The following FOXJ2 variants were observed in gnomAD, a reference collection of about 807,000 sequenced individuals.
FOXJ2 encodes the protein forkhead box protein J2.
FOXJ2 carries 18 observed loss-of-function variants against 68.4 expected under a neutral mutation model. The ratio of observed to expected loss-of-function variants is 0.26; its 90% CI spans 0.18 to 0.39. The LOEUF (loss-of-function observed/expected upper bound fraction) is 0.39, where lower values mean the gene tolerates loss of function less well. Among genes scored for constraint, FOXJ2 ranks in the 10% least tolerant of loss-of-function variants. The pLI, the probability that FOXJ2 is intolerant of heterozygous loss-of-function variation, is 1.00. For synonymous variants in FOXJ2, 274 were observed against 263.2 expected, an observed-to-expected ratio of 1.04 and a Z score of -0.40; for missense variants, 670 against 726.5, an observed-to-expected ratio of 0.92 and a Z score of 0.89.
At chr12:8,049,061 G>A (rs1225045625) in intron 8 of FOXJ2, among the ~76,000 whole-genome samples, 1 of 152,176 alleles carries the variant, frequency 6.6e-6, no homozygotes, top group Non-Finnish European at 1.5e-5. Context: ...TTTAGAGACC[G>A]TGGACCACGA....
Position 8,032,932 on chromosome 12 carries a change from T to C in FOXJ2, c.-916T>C. 1 of 397,468 alleles carries C rather than the reference T, an allele frequency of 2.5e-6. No individual in the cohort carries two copies. The allele number at this position is 397,468 out of a possible 1,614,324, so 24.6% of individuals were successfully genotyped here. On this transcript the variant is annotated 5_prime_UTR_variant, in exon 1 of 11. Coordinates refer to ENST00000162391, the MANE Select transcript of FOXJ2 (RefSeq NM_018416.3). The surrounding 1 kb of genome is among the most constrained non-coding windows in gnomAD (Gnocchi z 4.8). ...TCTCGAGCCGCGGCCTCCCGGACCG[T>C]GCTGCCCAGGCCAGCTCAGGGACAG...
In FOXJ2 at chr12:8,044,871, T is replaced by C; in HGVS notation, c.730T>C (p.Ser244Pro). The C allele has an allele frequency of 6.2e-7, 1 of 1,614,096 alleles. No homozygotes were observed. The highest frequency in any genetic ancestry group is 8.5e-7 in the Non-Finnish European group (1 of 1,179,968). Residue 244 changes from serine (S) to proline (P), a missense_variant, in exon 6 of 11, where the codon TCA (serine) becomes CCA (proline). By Grantham distance (74) the Ser-to-Pro change is moderately conservative. This residue lies in a region of FOXJ2 where 555 missense variants were observed against 562.2 expected (regional missense o/e 0.99). Transcript: ENST00000162391. ...CAACCATGACTTTAAATTCTCCTAC[T>C]CAGAGATCAACTTTCAGGATCTAAG... ...NTNHDFKFSY[S>P]EINFQDLSWS...
intron 1 of FOXJ2, among the ~76,000 whole-genome samples, chr12:8,036,287 G>T (rs1381718395): frequency 6.6e-6 from 1 of 152,202 alleles, no homozygotes; most frequent in Non-Finnish European, 1.5e-5. Flanking sequence ...ACAATTAGTG[G>T]CCTTTCAGAT....
chr12:8,052,780 G>C lies in FOXJ2; in HGVS notation c.1655G>C (p.Arg552Pro). The C allele has an allele frequency of 6.2e-7, 1 of 1,609,984 alleles. No individual in the cohort carries two copies. Among genetic ancestry groups the C allele is most frequent in the Non-Finnish European group, 8.5e-7 (1 of 1,177,926 alleles). ...CTAACAGCACACCATATGGTCCCTCGGCCATCAGTGCCACCTCCTGGTGCC... is the reference window on the plus strand; with the variant it reads ...CTAACAGCACACCATATGGTCCCTCCGCCATCAGTGCCACCTCCTGGTGCC... ...YNRPAHHMVP[R>P]PSVPPPGANE... The change falls in exon 11 of 11, where the codon CGG becomes CCG. Residue 552 changes from arginine to proline, a missense_variant. This residue lies in a region of FOXJ2 where 555 missense variants were observed against 562.2 expected (regional missense o/e 0.99). Coordinates refer to ENST00000162391, the MANE Select transcript of FOXJ2 (RefSeq NM_018416.3).
intron 6 of FOXJ2, among the ~76,000 whole-genome samples, chr12:8,047,456 C>CA (rs1345773734): frequency 6.6e-6 from 1 of 150,864 alleles, no homozygotes; most frequent in Non-Finnish European, 1.5e-5. Context: ...TCTCAAAAAA[C>CA]AAAAAACGGA....
chr12:8,051,547 C>T (rs1947126741), intron 10 of FOXJ2, among the ~76,000 whole-genome samples: 1 of 152,162 alleles, frequency 6.6e-6, no homozygotes, highest in Non-Finnish European at 1.5e-5. Context: ...GGAAGATGTG[C>T]TCAGGCAAAT....
In FOXJ2 at chr12:8,038,629, A is replaced by G. The variant is rs1946926185; in HGVS notation, c.-14-1190A>G. Among the ~76,000 whole-genome samples, 1 of 152,146 alleles carries G rather than the reference A, an allele frequency of 6.6e-6. No homozygotes were observed. The highest frequency in any genetic ancestry group is 2.4e-5 in the African/African-American group (1 of 41,424). The stretch of plus-strand genomic sequence containing the variant: ...TGGCATCAGCTCTAGGGGAGTGCCA[A>G]ATGGCTACCTAGGGGTTCCTGCCAG... On this transcript the variant is annotated intron_variant, in intron 1 of 10. Transcript: ENST00000162391. This position sits in a 1 kb window ranked among gnomAD's most constrained non-coding sequence, Gnocchi z 5.3.
At position 8,049,352 on chromosome 12, in the gene FOXJ2, C is replaced by G; in HGVS notation, c.1328-10C>G. 2 of 1,599,202 alleles carry G rather than the reference C, an allele frequency of 1.3e-6. No individual in the cohort carries two copies. The highest frequency in any genetic ancestry group is 1.7e-6 in the Non-Finnish European group (2 of 1,169,102). On this transcript the variant is annotated splice_polypyrimidine_tract_variant and intron_variant, in intron 8 of 10. Transcript: ENST00000162391. Reference sequence around the variant, plus strand: ...TGCAAGGTTTGCATTGCTTGCTTCCCTCTTTGTAGAACTGATGGAGAGTCT... The same window carrying G: ...TGCAAGGTTTGCATTGCTTGCTTCCGTCTTTGTAGAACTGATGGAGAGTCT...
At position 8,048,059 on chromosome 12, in the gene FOXJ2, G is replaced by T. The variant is rs1056629345; in HGVS notation, c.995G>T (p.Gly332Val). Reference sequence around the variant, plus strand: ...GCCCAGGGCCCCTCAGCTGTAGGGGGTGCTCCTCCACTGCACACCCCAAGC... The same window carrying T: ...GCCCAGGGCCCCTCAGCTGTAGGGGTTGCTCCTCCACTGCACACCCCAAGC... Reference protein sequence around the residue: ...APAQGPSAVGGAPPLHTPSTD... With the variant: ...APAQGPSAVGVAPPLHTPSTD... The change falls in exon 7 of 11, where the codon GGT becomes GTT. Residue 332 changes from glycine to valine, a missense_variant. Gly to Val is a moderately radical substitution (Grantham distance 109, BLOSUM62 -3). This residue lies in a region of FOXJ2 where 555 missense variants were observed against 562.2 expected (regional missense o/e 0.99). Coordinates refer to ENST00000162391, the MANE Select transcript of FOXJ2 (RefSeq NM_018416.3). The T allele has an allele frequency of 8.1e-6, 13 of 1,612,724 alleles. No homozygotes were observed. The highest frequency in any genetic ancestry group is 1.7e-5 in the Admixed American group (1 of 59,926).
At chr12:8,042,220 T>C (rs1424342676) in intron 2 of FOXJ2, among the ~76,000 whole-genome samples, 1 of 152,204 alleles carries the variant, frequency 6.6e-6, no homozygotes, top group Non-Finnish European at 1.5e-5. Flanking sequence ...AATGTGAACA[T>C]TCTATGGGCT....
Position 8,044,030 on chromosome 12 carries a change from C to T in FOXJ2, c.557C>T (p.Pro186Leu). 6.3e-7 allele frequency: 1 copy of T among 1,587,212 alleles called. No individual in the cohort carries two copies. The highest frequency in any genetic ancestry group is 8.6e-7 in the Non-Finnish European group (1 of 1,168,524). The change falls in exon 5 of 11, where the codon CCT (proline) becomes CTT (leucine). Residue 186 changes from proline (P) to leucine (L), a missense_variant. By Grantham distance (98) the Pro-to-Leu change is moderately conservative (BLOSUM62 -3). Transcript: ENST00000162391. ...GCAGGGAGTGGAGAAGCCTCACTGC[C>T]TCCTGAGGGGAATCCGCAGATGTCA... ...GVAGSGEASL[P>L]PEGNPQMSLQ...
intron 2 of FOXJ2, among the ~76,000 whole-genome samples, 173 bp from the exon 3 acceptor site, chr12:8,042,485 A>G (rs1416650677): frequency 6.6e-6 from 1 of 152,120 alleles, no homozygotes; most frequent in Non-Finnish European, 1.5e-5. Flanking sequence ...TCTCATTGCT[A>G]TTGCTATTTG....
Position 8,052,765 on chromosome 12 carries a change from A to G in FOXJ2, c.1640A>G (p.His547Arg). 11 of 1,608,384 alleles carry G rather than the reference A, an allele frequency of 6.8e-6. No individual in the cohort carries two copies. Among genetic ancestry groups the G allele is most frequent in the Non-Finnish European group, 8.5e-6 (10 of 1,176,994 alleles). Reference protein sequence around the residue: ...QDSAGYNRPAHHMVPRPSVPP... With the variant: ...QDSAGYNRPARHMVPRPSVPP... ...TCTCTTTCTTTCTTTCTAACAGCAC[A>G]CCATATGGTCCCTCGGCCATCAGTG... The change falls in exon 11 of 11, where the codon CAC becomes CGC. Residue 547 changes from histidine to arginine, a missense_variant. Coordinates refer to ENST00000162391, the MANE Select transcript of FOXJ2 (RefSeq NM_018416.3).
Position 8,039,945 on chromosome 12 carries a change from G to T in FOXJ2, c.113G>T (p.Ser38Ile). The change falls in exon 2 of 11, where the codon AGC becomes ATC. Residue 38 changes from serine to isoleucine, a missense_variant. Around this residue, in one of 2 missense-constraint regions of FOXJ2, gnomAD observed 115 missense variants for 164.3 expected, o/e 0.70. Transcript: ENST00000162391. ...GSASQAGPPGSSRKCSPGSPT... is the reference protein window; with the variant it reads ...GSASQAGPPGISRKCSPGSPT... Reference sequence around the variant, plus strand: ...GCCTCCCAGGCTGGGCCTCCCGGGAGCAGCCGCAAGTGTTCACCAGGGTCA... The same window carrying T: ...GCCTCCCAGGCTGGGCCTCCCGGGATCAGCCGCAAGTGTTCACCAGGGTCA... 1 of 1,613,992 alleles carries T rather than the reference G, an allele frequency of 6.2e-7. No homozygotes were observed. The highest frequency in any genetic ancestry group is 8.5e-7 in the Non-Finnish European group (1 of 1,180,010).
intron 6 of FOXJ2, among the ~76,000 whole-genome samples, chr12:8,047,034 A>G (rs1046777936): frequency 1.3e-5 from 2 of 152,172 alleles, no homozygotes; most frequent in Non-Finnish European, 2.9e-5. Flanking sequence ...GAAAGCCCCT[A>G]GTCTCAGACT....
chr12:8,044,618 A>G (rs1241472912), intron 5 of FOXJ2, 142 bp from the exon 6 acceptor site: 3 of 755,294 alleles, frequency 4.0e-6, no homozygotes, highest in Non-Finnish European at 6.5e-6. Flanking sequence ...ACTAATGAGG[A>G]AAGAAGGAGA....
Position 8,042,643 on chromosome 12 carries a change from T to G in FOXJ2, c.334-15T>G. The G allele has an allele frequency of 6.2e-7, 1 of 1,613,712 alleles. No individual in the cohort carries two copies. The highest frequency in any genetic ancestry group is 2.2e-5 in the East Asian group (1 of 44,886). On this transcript the variant is annotated splice_polypyrimidine_tract_variant and intron_variant, in intron 2 of 10. Transcript: ENST00000162391. ...GCATAATGCTCAGGCCTAACTTGCT[T>G]CTCTGCCTCTCCAGAATTCAATACG...
chr12:8,041,923 G>A (rs1435315279), intron 2 of FOXJ2, among the ~76,000 whole-genome samples: 1 of 151,344 alleles, frequency 6.6e-6, no homozygotes, highest in African/African-American at 2.4e-5. Context: ...TGTTCACTAG[G>A]CTGGAGTGCA....
At chr12:8,037,622 G>A (rs1228750017) in intron 1 of FOXJ2, among the ~76,000 whole-genome samples, 1 of 152,160 alleles carries the variant, frequency 6.6e-6, no homozygotes, top group Admixed American at 6.5e-5. Flanking sequence ...GAAGGCCTCC[G>A]TGCTCTTAAG....
Sources: gnomAD v4.1 joint callset for allele counts (sites outside exome capture counted in the v4.1 genomes callset) on GRCh38, gnomAD v4.1.1 for gene constraint, gnomAD v4.1.1 regional missense constraint, Gnocchi (gnomAD v3.1) non-coding constraint, MANE v1.5 for transcripts, NCBI Gene and HGNC (gene_info 2026-07-23, HGNC 2026-07-21) for gene names.